CFAP47: variants seen among roughly 807,000 people sequenced by gnomAD.
CFAP47 encodes the protein cilia and flagella associated protein 47.
In CFAP47, 29 loss-of-function variants were observed where a neutral mutation model predicts 148.1. The ratio of observed to expected loss-of-function variants is 0.20; its 90% CI spans 0.15 to 0.27. The LOEUF is 0.27. CFAP47 is among the 10% of genes least tolerant of loss of function. The pLI is 1.00. For missense variants in CFAP47, 1,872 were observed against 1,697.5 expected (o/e 1.10, Z -1.81); for synonymous variants, 664 against 577.3 (o/e 1.15, Z -2.15).
chrX:36,352,469 A>G (rs1363832938), intron 59 of CFAP47, among the ~76,000 whole-genome samples: 9 of 111,207 alleles, frequency 8.1e-5, no homozygotes, highest in Non-Finnish European at 3.8e-5. Flanking sequence ...GTGAAAACAC[A>G]TACATCTGAG....
intron 39 of CFAP47, among the ~76,000 whole-genome samples, chrX:36,162,775 G>C (rs1410370709): frequency 1.8e-5 from 2 of 111,378 alleles, no homozygotes; most frequent in African/African-American, 6.5e-5. Flanking sequence ...CTATAATGCT[G>C]TTTTTTAATT....
Position 35,951,790 on chromosome X carries a change from C to T in CFAP47, c.886-13C>T, listed in dbSNP as rs369106796. 1.0e-5 allele frequency: 11 copies of T among 1,081,789 alleles called. No homozygotes were observed. Among genetic ancestry groups the T allele is most frequent in the African/African-American group, 5.8e-5 (3 of 51,599 alleles). The allele number at this position is 1,081,789 out of a possible 1,213,427, so 89.2% of individuals were successfully genotyped here. ...TGCCTTAATACTCTTTTATATCTGA[C>T]TTTATATTACAGGGTACAGATATTC... On this transcript the variant is annotated splice_polypyrimidine_tract_variant and intron_variant, in intron 5 of 63. Transcript: ENST00000378653.
intron 53 of CFAP47, among the ~76,000 whole-genome samples, chrX:36,302,237 C>A (rs1430390327): frequency 9.2e-6 from 1 of 109,270 alleles, no homozygotes; most frequent in African/African-American, 3.3e-5. Context: ...TTCATATGTC[C>A]CTGGTGAAAG....
At chrX:36,274,785 G>T (rs1397378055) in intron 49 of CFAP47, among the ~76,000 whole-genome samples, 3 of 111,426 alleles carry the variant, frequency 2.7e-5, no homozygotes, top group African/African-American at 9.8e-5. Context: ...CATATAAAAA[G>T]AAAAAAATAT....
At chrX:36,166,331 C>T (rs1239375311) in intron 39 of CFAP47, among the ~76,000 whole-genome samples, 4 of 110,936 alleles carry the variant, frequency 3.6e-5, no homozygotes, top group Admixed American at 1.9e-4. Context: ...TAATCTCTAC[C>T]AATCTTCAAG....
chrX:36,098,661 C>A, intron 30 of CFAP47, 132 bp from the exon 31 acceptor site: 1 of 335,083 alleles, frequency 3.0e-6, no homozygotes, highest in Non-Finnish European at 5.1e-6. Flanking sequence ...AATTATATAA[C>A]TTTTAAATTT....
In CFAP47 at chrX:35,919,907, A is replaced by G. The variant is rs1435683010; in HGVS notation, c.108A>G (p.Arg36=). ...LVPRDMDSSG[R]DMQLRVIPAE... is the part of the protein sequence containing the mutation. ...CCCGGGATATGGATAGCTCGGGTAG[A>G]GACATGCAGCTGCGGGTGATCCCGG... Residue 36 remains arginine (R), a synonymous_variant, in exon 1 of 64, where the codon AGA becomes AGG. Transcript: ENST00000378653. The G allele has an allele frequency of 8.3e-7, 1 of 1,211,254 alleles. No individual in the cohort carries two copies. The highest frequency in any genetic ancestry group is 1.7e-5 in the African/African-American group (1 of 57,754).
chrX:36,261,946 G>A lies in CFAP47; in HGVS notation c.7444+10502G>A, dbSNP rs781816840. 5.3e-3 allele frequency among the ~76,000 whole-genome samples: 587 copies of A among 109,862 alleles called. 1 individual carries two copies. The highest frequency in any genetic ancestry group is 0.018 in the African/African-American group (559 of 30,639). On this transcript the variant is annotated intron_variant, in intron 49 of 63. Coordinates refer to ENST00000378653, the MANE Select transcript of CFAP47 (RefSeq NM_001304548.2). ...CCTCCCGGACGGGTCGGCTGGCCGG[G>A]CGGGGGCTGACCCCCCACCTCCCTC...
chrX:36,334,610 CT>C (rs1175284098), intron 57 of CFAP47, among the ~76,000 whole-genome samples: 19 of 109,257 alleles, frequency 1.7e-4, no homozygotes, highest in Non-Finnish European at 3.6e-4. Context: ...CAAACCTCCA[CT>C]TTTTTTTTCT....
intron 57 of CFAP47, 56 bp downstream of exon 57, chrX:36,319,363 T>C: frequency 1.9e-6 from 1 of 517,062 alleles, no homozygotes; most frequent in Non-Finnish European, 3.0e-6. Context: ...ATTTCAGAGA[T>C]AATGAAATAT....
chrX:35,942,233 A>G (rs752610708), intron 3 of CFAP47, among the ~76,000 whole-genome samples: 1 of 111,656 alleles, frequency 9.0e-6, no homozygotes, highest in African/African-American at 3.2e-5. Context: ...TTTGTTGAAT[A>G]TATAAAGTAG....
At chrX:36,178,179 T>C (rs1045326535) in intron 39 of CFAP47, among the ~76,000 whole-genome samples, 1 of 110,664 alleles carries the variant, frequency 9.0e-6, no homozygotes, top group Non-Finnish European at 1.9e-5. Context: ...TGGCAACTAC[T>C]AGAGGGCAGA....
intron 30 of CFAP47, among the ~76,000 whole-genome samples, chrX:36,092,435 G>T (rs1601972995): frequency 1.8e-5 from 2 of 110,677 alleles, no homozygotes; most frequent in East Asian, 5.7e-4. Flanking sequence ...GGAATAAAAT[G>T]ATTACTGCAT....
chrX:36,159,676 C>G, intron 38 of CFAP47, 100 bp downstream of exon 38: 3 of 287,558 alleles, frequency 1.0e-5, no homozygotes, highest in Non-Finnish European at 1.2e-5. Flanking sequence ...GCAGCTGTTT[C>G]TTGAGTCATC....
In CFAP47 at chrX:36,123,240, T is replaced by C. The variant is rs1004134288; in HGVS notation, c.5321-14718T>C. Among the ~76,000 whole-genome samples the C allele has an allele frequency of 3.6e-5, 4 of 112,524 alleles. No homozygotes were observed. In the East Asian group the frequency reaches 1.1e-3, roughly 32 times the overall value. Reference sequence around the variant, plus strand: ...GTAGTTACCAGTCTTAGGACTGTGGTGAGCACAGCACTGGGTCTTACCCAA... The same window carrying C: ...GTAGTTACCAGTCTTAGGACTGTGGCGAGCACAGCACTGGGTCTTACCCAA... On this transcript the variant is annotated intron_variant, in intron 33 of 63. Transcript: ENST00000378653.
chrX:35,971,680 G>A lies in CFAP47; in HGVS notation c.2065G>A (p.Glu689Lys). The A allele has an allele frequency of 8.3e-7, 1 of 1,208,353 alleles. No homozygotes were observed. Among genetic ancestry groups the A allele is most frequent in the Non-Finnish European group, 1.1e-6 (1 of 892,787 alleles). Residue 689 changes from glutamate to lysine, a missense_variant, in exon 12 of 64, where the codon GAG (glutamate) becomes AAG (lysine). Glu to Lys is a moderately conservative substitution (Grantham distance 56). Transcript: ENST00000378653. ...ACTCTCAGAAGCGGAAATAGAAGAG[G>A]AGCTGTCTTCAGCAGCAAATTCAAT... ...PSLSEAEIEE[E>K]LSSAANSIRA...
At chrX:36,070,838 A>G (rs763581516) in intron 27 of CFAP47, among the ~76,000 whole-genome samples, 1 of 111,972 alleles carries the variant, frequency 8.9e-6, no homozygotes, top group South Asian at 3.8e-4. Context: ...TGCCATGTCA[A>G]TTTACCATTG....
intron 15 of CFAP47, among the ~76,000 whole-genome samples, chrX:35,985,643 A>G (rs1174442342): frequency 9.0e-6 from 1 of 111,710 alleles, no homozygotes; most frequent in African/African-American, 3.3e-5. Context: ...TGGTGCAAGC[A>G]GGCATGGCCA....
At chrX:36,365,797 A>C (rs1377083334) in intron 61 of CFAP47, 1 of 111,021 alleles carries the variant, frequency 9.0e-6, no homozygotes, top group Non-Finnish European at 1.9e-5. Context: ...AGCTGCATCC[A>C]TGTGTCTGAA....
Sources: gnomAD v4.1 joint callset for allele counts (sites outside exome capture counted in the v4.1 genomes callset) on GRCh38, gnomAD v4.1.1 for gene constraint, MANE v1.5 for transcripts, NCBI Gene and HGNC (gene_info 2026-07-23, HGNC 2026-07-21) for gene names.